Variants in DIP2A observed in about 807,000 individuals in gnomAD.
DIP2A encodes the protein DIP2 acetate--CoA ligase A.
Under a neutral mutation model 177.4 loss-of-function variants are expected in DIP2A, and 85 were observed. The observed-to-expected ratio is 0.48, with a 90% CI of 0.40 to 0.57. DIP2A has a LOEUF of 0.57. Among genes scored for constraint, DIP2A ranks in the 20% least tolerant of loss-of-function variants. The pLI is 0.00. For missense variants in DIP2A, 1,791 were observed against 2,100.2 expected (o/e 0.85, Z 2.88); for synonymous variants, 886 against 881.8 (o/e 1.00, Z -0.08).
At chr21:46,528,133 C>T (rs747620771) in intron 8 of DIP2A, among the ~76,000 whole-genome samples, 13 of 152,072 alleles carry the variant, frequency 8.5e-5, no homozygotes, top group Non-Finnish European at 1.5e-4. Flanking sequence ...CATTGATACC[C>T]GGATCACCTT....
At chr21:46,511,326 A>G (rs1404897320) in intron 7 of DIP2A, 91 bp from the exon 8 acceptor site, 2 of 1,323,078 alleles carry the variant, frequency 1.5e-6, no homozygotes, top group African/African-American at 1.5e-5. Flanking sequence ...TTGGGATTAA[A>G]AAACAATATT....
chr21:46,547,602 A>G (rs932409517), intron 21 of DIP2A, among the ~76,000 whole-genome samples: 17 of 148,496 alleles, frequency 1.1e-4, no homozygotes, highest in Admixed American at 1.1e-3. Context: ...TCTTCCCCTA[A>G]CTGGTCCACT....
intron 1 of DIP2A, among the ~76,000 whole-genome samples, chr21:46,477,571 T>TGGGTGTGTGTGTGTGTG (rs762054063): frequency 1.5e-5 from 1 of 66,570 alleles, no homozygotes; most frequent in Non-Finnish European, 2.8e-5. Flanking sequence ...GTGTGTGTAT[T>TGGGTGTGTGTGTGTGTG]TCTTTTTTTT....
At chr21:46,578,080 G>A in the DIP2A span, among the ~76,000 whole-genome samples, 11 of 152,298 alleles carry the variant, frequency 7.2e-5, no homozygotes, top group Admixed American at 2.0e-4. Flanking sequence ...TTAGGAGGCC[G>A]AGGTGGGTGG....
intron 25 of DIP2A, 134 bp downstream of exon 25, chr21:46,552,038 C>G (rs1401984789): frequency 9.4e-7 from 1 of 1,067,160 alleles, no homozygotes; most frequent in African/African-American, 1.6e-5. Context: ...ACTCAGCCCC[C>G]GTCCTGGTTG....
intron 13 of DIP2A, among the ~76,000 whole-genome samples, chr21:46,536,998 G>A (rs935819367): frequency 1.3e-5 from 2 of 152,058 alleles, no homozygotes; most frequent in African/African-American, 4.8e-5. Context: ...TTAGTGCTCA[G>A]CGTGGTTCTC....
chr21:46,479,980 T>A (rs1453708365), intron 1 of DIP2A, among the ~76,000 whole-genome samples: 2 of 152,120 alleles, frequency 1.3e-5, no homozygotes, highest in Non-Finnish European at 2.9e-5. Flanking sequence ...CAGTGAATGG[T>A]GCCACCGTGC....
intron 1 of DIP2A, among the ~76,000 whole-genome samples, chr21:46,471,514 T>C: frequency 6.6e-6 from 1 of 152,232 alleles, no homozygotes; most frequent in East Asian, 1.9e-4. Flanking sequence ...AGAATTAACA[T>C]AATCCTTGTG....
At chr21:46,497,219 T>C (rs1601518199) in intron 4 of DIP2A, 112 bp downstream of exon 4, 1 of 1,284,010 alleles carries the variant, frequency 7.8e-7, no homozygotes, top group East Asian at 2.7e-5. Context: ...TAGTATAGAT[T>C]GGACGCATTT....
rs760489289 is a variant in DIP2A at position 46,549,755 on chromosome 21, A to G, written c.2523-16A>G. ...GGCCTCTTGCCGTGTGGCCATTTCC[A>G]TGTCTCATCCCGCAGGATCGCTGTG... On this transcript the variant is annotated splice_polypyrimidine_tract_variant and intron_variant, in intron 21 of 37. Transcript: ENST00000417564. 19 of 1,612,888 alleles carry G rather than the reference A, an allele frequency of 1.2e-5. No individual in the cohort carries two copies. The highest frequency in any genetic ancestry group is 1.7e-5 in the Admixed American group (1 of 59,994).
At position 46,545,262 on chromosome 21, in the gene DIP2A, A is replaced by C; in HGVS notation, c.2302A>C (p.Asn768His). 6.3e-7 allele frequency: 1 copy of C among 1,596,900 alleles called. No individual in the cohort carries two copies. Among genetic ancestry groups the C allele is most frequent in the East Asian group, 2.3e-5 (1 of 44,336 alleles). Residue 768 changes from asparagine to histidine, a missense_variant, in exon 19 of 38, where the codon AAT (asparagine) becomes CAT (histidine). Asn to His is a moderately conservative substitution (Grantham distance 68). Coordinates refer to ENST00000417564, the MANE Select transcript of DIP2A (RefSeq NM_015151.4). ...AYYGLLGITKNVFEAVPVTTG... is the reference protein window; with the variant it reads ...AYYGLLGITKHVFEAVPVTTG... ...CTATGGATTGCTTGGAATCACGAAG[A>C]ATGTGTTTGAGGTTTGTCCCTTTTC...
Position 46,561,735 on chromosome 21 carries a change from C to T in DIP2A, c.4032-13C>T, listed in dbSNP as rs753073057. 6.2e-7 allele frequency: 1 copy of T among 1,613,858 alleles called. No homozygotes were observed. Among genetic ancestry groups the T allele is most frequent in the East Asian group, 2.2e-5 (1 of 44,872 alleles). On this transcript the variant is annotated splice_polypyrimidine_tract_variant and intron_variant, in intron 33 of 37. Transcript: ENST00000417564. ...AGTAAATTTTGTACTGAAATTGTTCCCTTAATTTTTAGGGTTCGTTTGGTA... is the reference window on the plus strand; with the variant it reads ...AGTAAATTTTGTACTGAAATTGTTCTCTTAATTTTTAGGGTTCGTTTGGTA...
At position 46,566,637 on chromosome 21, in the gene DIP2A, G is replaced by A. The variant is rs374435400; in HGVS notation, c.4417G>A (p.Asp1473Asn). The change falls in exon 37 of 38, where the codon GAC (aspartate) becomes AAC (asparagine). Residue 1473 changes from aspartate to asparagine, a missense_variant. Transcript: ENST00000417564. ...CAGAGGCATGCGGTACCACCCCATC[G>A]ACATTGAGACCTCTGTCATCCGAGC... ...ELRGMRYHPI[D>N]IETSVIRAHR... is the part of the protein sequence containing the mutation. The A allele has an allele frequency of 4.3e-6, 7 of 1,614,100 alleles. No individual in the cohort carries two copies. The highest frequency in any genetic ancestry group is 1.7e-5 in the Admixed American group (1 of 60,006).
intron 18 of DIP2A, among the ~76,000 whole-genome samples, chr21:46,544,537 C>A (rs929016602): frequency 6.6e-6 from 1 of 152,162 alleles, no homozygotes; most frequent in Non-Finnish European, 1.5e-5. Flanking sequence ...TGCCCTGGGC[C>A]TCATAGCCTG....
chr21:46,567,732 C>A lies in DIP2A; in HGVS notation c.*110C>A. 1 of 1,333,878 alleles carries A rather than the reference C, an allele frequency of 7.5e-7. No individual in the cohort carries two copies. 82.6% of individuals were successfully genotyped at this position (1,333,878 alleles called of 1,614,324 possible). On this transcript the variant is annotated 3_prime_UTR_variant, in exon 38 of 38. Transcript: ENST00000417564. ...CACCGGGACTCGCCCTTCCTGTGCTCTTACAGATCCCTCTCAACAATCCCC... is the reference window on the plus strand; with the variant it reads ...CACCGGGACTCGCCCTTCCTGTGCTATTACAGATCCCTCTCAACAATCCCC...
At chr21:46,566,462 C>T in intron 36 of DIP2A, 98 bp from the exon 37 acceptor site, 1 of 1,535,132 alleles carries the variant, frequency 6.5e-7, no homozygotes, top group Non-Finnish European at 8.9e-7. Flanking sequence ...TGAGACCTCC[C>T]TGTGCCTGAG....
At chr21:46,519,324 T>A (rs962639535) in intron 8 of DIP2A, among the ~76,000 whole-genome samples, 5 of 152,210 alleles carry the variant, frequency 3.3e-5, no homozygotes, top group African/African-American at 1.2e-4. Flanking sequence ...TGACTTAGAA[T>A]GCCTAACTTC....
chr21:46,544,581 A>G (rs2059952465), intron 18 of DIP2A, among the ~76,000 whole-genome samples: 1 of 152,236 alleles, frequency 6.6e-6, no homozygotes, highest in South Asian at 2.1e-4. Flanking sequence ...TTGTTTTGGA[A>G]GTTAGGCAGA....
At position 46,536,452 on chromosome 21, in the gene DIP2A, C is replaced by T. The variant is rs116326419; in HGVS notation, c.1643-772C>T. Among the ~76,000 whole-genome samples, 371 of 152,338 alleles carry T rather than the reference C, an allele frequency of 2.4e-3. 2 individuals carry two copies. The highest frequency in any genetic ancestry group is 8.5e-3 in the African/African-American group (354 of 41,574). On this transcript the variant is annotated intron_variant, in intron 13 of 37. Coordinates refer to ENST00000417564, the MANE Select transcript of DIP2A (RefSeq NM_015151.4). ...GTGACTTTCCGAAGGGTGATGCAAA[C>T]CACCAGCTCTTACAGAGGGGAGATG...
Sources: allele counts gnomAD v4.1 joint callset (sites outside exome capture counted in the v4.1 genomes callset), GRCh38; gene constraint gnomAD v4.1.1; transcripts MANE v1.5; gene names NCBI Gene and HGNC (gene_info 2026-07-23, HGNC 2026-07-21).